Variants in ACOT7 observed in about 807,000 individuals in gnomAD.
The protein encoded by ACOT7 is cytosolic acyl coenzyme A thioester hydrolase.
ACOT7 carries 12 observed loss-of-function variants against 40.2 expected under a neutral mutation model. The ratio of observed to expected loss-of-function variants is 0.30; its 90% CI spans 0.19 to 0.48. The LOEUF (loss-of-function observed/expected upper bound fraction) is 0.48, where lower values mean the gene tolerates loss of function less well. ACOT7 is among the 20% of genes least tolerant of loss of function. The pLI is 0.99. For synonymous variants in ACOT7, 228 were observed against 219.5 expected (o/e 1.04, Z -0.34); for missense variants, 395 against 530.8 (o/e 0.74, Z 2.51).
chr1:6,271,331 C>A (rs951626672), intron 8 of ACOT7, among the ~76,000 whole-genome samples: 2 of 152,224 alleles, frequency 1.3e-5, no homozygotes, highest in African/African-American at 4.8e-5. Context: ...GATATAACAA[C>A]TTCCTGTAAG....
intron 4 of ACOT7, among the ~76,000 whole-genome samples, chr1:6,327,616 A>G (rs1230020656): frequency 6.6e-6 from 1 of 152,206 alleles, no homozygotes; most frequent in East Asian, 1.9e-4. Flanking sequence ...AACCTGGGTC[A>G]AGTGTTTGGT....
intron 7 of ACOT7, among the ~76,000 whole-genome samples, chr1:6,286,637 C>G (rs1033318486): frequency 4.6e-5 from 7 of 152,188 alleles, no homozygotes; most frequent in Non-Finnish European, 1.0e-4. Context: ...TCCCCATGCA[C>G]CCAGCTTCAG....
chr1:6,390,020 C>CT (rs1642507929), intron 1 of ACOT7, among the ~76,000 whole-genome samples: 1 of 152,208 alleles, frequency 6.6e-6, no homozygotes, highest in Admixed American at 6.5e-5. Flanking sequence ...GGAGGCTCCT[C>CT]TTTCAACTTG....
chr1:6,349,905 G>A, intron 1 of ACOT7, 39 bp from the exon 2 acceptor site: 1 of 1,591,394 alleles, frequency 6.3e-7, no homozygotes, highest in East Asian at 2.2e-5. Flanking sequence ...CTCTGGAGAG[G>A]ATGCCATTTG....
chr1:6,279,700 C>T (rs970264484), intron 8 of ACOT7, among the ~76,000 whole-genome samples: 1 of 152,220 alleles, frequency 6.6e-6, no homozygotes, highest in African/African-American at 2.4e-5. Context: ...CGGCACCCAA[C>T]TCCAGCGAAG....
At chr1:6,272,386 G>A (rs1639062098) in intron 8 of ACOT7, among the ~76,000 whole-genome samples, 1 of 148,986 alleles carries the variant, frequency 6.7e-6, no homozygotes, top group African/African-American at 2.6e-5. Context: ...ATCAATTCCA[G>A]GGGGCTCAGA....
chr1:6,346,350 TC>T (rs767383253), intron 2 of ACOT7, among the ~76,000 whole-genome samples: 12 of 152,202 alleles, frequency 7.9e-5, no homozygotes, highest in Non-Finnish European at 1.5e-4. Context: ...GACCTGTCCA[TC>T]TTAGCTTCCC....
rs1639396573 is a variant in ACOT7 at position 6,282,913 on chromosome 1, T to A, written c.830-1627A>T. 1.7e-6 allele frequency: 1 copy of A among 600,872 alleles called. No individual in the cohort carries two copies. The highest frequency in any genetic ancestry group is 2.9e-6 in the Non-Finnish European group (1 of 346,210). The allele number at this position is 600,872 out of a possible 1,614,324, so 37.2% of individuals were successfully genotyped here. Reference sequence around the variant, plus strand: ...GCTAGAAGTTTCAACAGGTCAGACCTGAGGGTCTCCCAGCATCTCTGCCTC... The same window carrying A: ...GCTAGAAGTTTCAACAGGTCAGACCAGAGGGTCTCCCAGCATCTCTGCCTC... On this transcript the variant is annotated intron_variant, in intron 7 of 8. Transcript: ENST00000361521. The surrounding 1 kb of genome is among the most constrained non-coding windows in gnomAD (Gnocchi z 4.5).
intron 1 of ACOT7, among the ~76,000 whole-genome samples, chr1:6,386,243 T>C (rs546436996): frequency 7.2e-5 from 11 of 152,230 alleles, no homozygotes; most frequent in African/African-American, 2.4e-4. Context: ...CCGAGGAAAA[T>C]GCAGATTCCT....
chr1:6,379,940 C>T (rs1183089365), intron 1 of ACOT7, among the ~76,000 whole-genome samples: 2 of 151,694 alleles, frequency 1.3e-5, no homozygotes, highest in African/African-American at 4.8e-5. Flanking sequence ...GTGGTGCACA[C>T]CTGTAGTCCT....
chr1:6,341,113 G>C (rs1177879272), intron 2 of ACOT7, among the ~76,000 whole-genome samples: 2 of 151,946 alleles, frequency 1.3e-5, no homozygotes, highest in Non-Finnish European at 2.9e-5. Flanking sequence ...AAAATAATCT[G>C]CCCGTGTTGT....
intron 6 of ACOT7, among the ~76,000 whole-genome samples, chr1:6,298,902 G>C (rs985937037): frequency 6.6e-6 from 1 of 152,254 alleles, no homozygotes; most frequent in Admixed American, 6.5e-5. Context: ...CTTCCTTGGA[G>C]GGGGCAGCCT....
chr1:6,342,425 G>A (rs779945876), intron 2 of ACOT7, among the ~76,000 whole-genome samples: 12 of 152,130 alleles, frequency 7.9e-5, no homozygotes, highest in Non-Finnish European at 1.2e-4. Flanking sequence ...ATCCTTTCCA[G>A]TGACTTCCTT....
chr1:6,381,717 G>A (rs72633446), intron 1 of ACOT7, among the ~76,000 whole-genome samples: 18,012 of 151,850 alleles, frequency 0.12, 1,589 homozygotes, highest in African/African-American at 0.23. Context: ...CGGGGTCTCT[G>A]CTGTGTTCAT....
At position 6,278,441 on chromosome 1, in the gene ACOT7, G is replaced by A. The variant is rs117283932; in HGVS notation, c.1014+2661C>T. Among the ~76,000 whole-genome samples, 278 of 152,302 alleles carry A rather than the reference G, an allele frequency of 1.8e-3. 1 individual carries two copies. The highest frequency in any genetic ancestry group is 0.012 in the East Asian group (61 of 5,176). Reference sequence around the variant, plus strand: ...GGGGACGGGGCAGTAAGAGCTGTTCGGGAGAGGAGTGGAGCGGCACTGGGT... The same window carrying A: ...GGGGACGGGGCAGTAAGAGCTGTTCAGGAGAGGAGTGGAGCGGCACTGGGT... On this transcript the variant is annotated intron_variant, in intron 8 of 8. Coordinates refer to ENST00000361521, the MANE Select transcript of ACOT7 (RefSeq NM_007274.4). The surrounding 1 kb of genome is among the most constrained non-coding windows in gnomAD (Gnocchi z 4.1).
chr1:6,385,835 G>GTTA (rs1642431079), intron 1 of ACOT7: 1 of 1,409,998 alleles, frequency 7.1e-7, no homozygotes, highest in Non-Finnish European at 9.2e-7. Flanking sequence ...CCAGCCCCCG[G>GTTA]CAAGCCGCCT....
At position 6,340,217 on chromosome 1, in the gene ACOT7, C is replaced by T. The variant is rs149620148; in HGVS notation, c.262-628G>A. On this transcript the variant is annotated intron_variant, in intron 2 of 8. Transcript: ENST00000361521. ...TCCTGACCTCGTGATCCGCCCGCCTCGGCCTCCCAAAGTGCTGGGATTACA... is the reference window on the plus strand; with the variant it reads ...TCCTGACCTCGTGATCCGCCCGCCTTGGCCTCCCAAAGTGCTGGGATTACA... Among the ~76,000 whole-genome samples, 521 of 152,200 alleles carry T rather than the reference C, an allele frequency of 3.4e-3. 3 individuals are homozygous for T. The highest frequency in any genetic ancestry group is 0.012 in the African/African-American group (504 of 41,530).
chr1:6,318,203 G>GGCCA (rs1640550246), intron 6 of ACOT7, among the ~76,000 whole-genome samples: 1 of 152,128 alleles, frequency 6.6e-6, no homozygotes, highest in Non-Finnish European at 1.5e-5. Context: ...CACAGGTGCA[G>GGCCA]GCCACCATGC....
intron 1 of ACOT7, chr1:6,360,575 G>A: frequency 6.2e-7 from 1 of 1,614,126 alleles, no homozygotes; most frequent in East Asian, 2.2e-5. Context: ...CTCACTGTTT[G>A]GCCTTCTCCC....
Sources: allele counts gnomAD v4.1 joint callset (sites outside exome capture counted in the v4.1 genomes callset), GRCh38; gene constraint gnomAD v4.1.1; non-coding constraint Gnocchi (gnomAD v3.1); transcripts MANE v1.5; gene names NCBI Gene and HGNC (gene_info 2026-07-23, HGNC 2026-07-21).